The following IFT80 variants were observed in gnomAD, a reference collection of about 807,000 sequenced individuals.
IFT80 encodes intraflagellar transport protein 80 homolog.
IFT80 carries 79 observed loss-of-function variants against 107.9 expected under a neutral mutation model. The ratio of observed to expected loss-of-function variants is 0.73; its 90% CI spans 0.61 to 0.88. The LOEUF is 0.88. Among genes scored for constraint, IFT80 ranks in the 40% least tolerant of loss-of-function variants. IFT80 has a pLI of 0.00. For synonymous variants in IFT80, 299 were observed against 300.9 expected, an observed-to-expected ratio of 0.99 and a Z score of 0.07; for missense variants, 797 against 914.2, an observed-to-expected ratio of 0.87 and a Z score of 1.65.
rs1171606108 is a variant in IFT80 at position 160,282,435 on chromosome 3, A to G, written c.1516+43T>C. 2.3e-6 allele frequency: 3 copies of G among 1,284,548 alleles called. No individual in the cohort carries two copies. In the African/African-American group the frequency reaches 4.5e-5, roughly 19 times the overall value. 79.6% of individuals were successfully genotyped at this position (1,284,548 alleles called of 1,614,324 possible). A position where few individuals can be genotyped will look rare whatever the true frequency, so the allele number is the denominator to read the frequency against. On this transcript the variant is annotated intron_variant, in intron 14 of 19. Coordinates refer to ENST00000326448, the MANE Select transcript of IFT80 (RefSeq NM_020800.3). ...AATTATTTATTACAGCAAATATAAG[A>G]AAGTTGACAATTAAAACTTAAAATG...
intron 17 of IFT80, 46 bp from the exon 18 acceptor site, chr3:160,277,524 T>C (rs968751669): frequency 1.3e-6 from 2 of 1,575,918 alleles, no homozygotes; most frequent in South Asian, 2.2e-5. Context: ...AACAGAAATA[T>C]AATAAATTAC....
intron 19 of IFT80, among the ~76,000 whole-genome samples, chr3:160,262,160 A>C (rs1309371196): frequency 6.6e-6 from 1 of 152,204 alleles, no homozygotes; most frequent in Non-Finnish European, 1.5e-5. Context: ...TGTGCAGTGT[A>C]CATCACAGCA....
chr3:160,356,075 G>A lies in IFT80; in HGVS notation c.715C>T (p.Pro239Ser). The A allele has an allele frequency of 2.5e-6, 4 of 1,614,128 alleles. No homozygotes were observed. Among genetic ancestry groups the A allele is most frequent in the Non-Finnish European group, 3.4e-6 (4 of 1,179,990 alleles). Residue 239 changes from proline (P) to serine (S), a missense_variant, in exon 8 of 20, where the codon CCA (proline) becomes TCA (serine). Coordinates refer to ENST00000326448, the MANE Select transcript of IFT80 (RefSeq NM_020800.3). ...EHPITSVAWA[P>S]DGELFAVGSF... ...CCAACAGCAAATAATTCTCCATCTGGAGCCCAGGCAACTGAAGTAATGGGA... is the reference window on the plus strand; with the variant it reads ...CCAACAGCAAATAATTCTCCATCTGAAGCCCAGGCAACTGAAGTAATGGGA...
intron 9 of IFT80, among the ~76,000 whole-genome samples, chr3:160,310,931 G>C (rs1717195817): frequency 6.6e-6 from 1 of 151,980 alleles, no homozygotes; most frequent in African/African-American, 2.4e-5. Context: ...ACCAGCCCAG[G>C]CAACAAGGTG....
intron 10 of IFT80, among the ~76,000 whole-genome samples, chr3:160,305,149 T>C (rs944030110): frequency 1.3e-5 from 2 of 152,046 alleles, no homozygotes; most frequent in Non-Finnish European, 2.9e-5. Context: ...TTAAAATAAG[T>C]TTTATTACTC....
chr3:160,327,745 A>G (rs1363494964), intron 8 of IFT80, among the ~76,000 whole-genome samples: 2 of 152,160 alleles, frequency 1.3e-5, no homozygotes, highest in Non-Finnish European at 1.5e-5. Flanking sequence ...CTAGAAGAAA[A>G]CCTAGGCAAT....
intron 5 of IFT80, among the ~76,000 whole-genome samples, chr3:160,366,756 A>C (rs1721896230): frequency 6.6e-6 from 1 of 152,084 alleles, no homozygotes; most frequent in Non-Finnish European, 1.5e-5. Context: ...ACAATACATA[A>C]CAATTACATC....
chr3:160,291,058 TATCA>T (rs1715515018), intron 12 of IFT80, among the ~76,000 whole-genome samples: 2 of 152,226 alleles, frequency 1.3e-5, no homozygotes, highest in African/African-American at 4.8e-5. Flanking sequence ...AGGCCTTTAA[TATCA>T]ATCAGTATAT....
At chr3:160,268,607 T>C (rs2108210185) in intron 18 of IFT80, 71 bp from the exon 19 acceptor site, 1 of 1,458,152 alleles carries the variant, frequency 6.9e-7, no homozygotes, top group East Asian at 2.3e-5. Flanking sequence ...AGTTCTGGAG[T>C]TGGGGATAAG....
At chr3:160,332,373 G>A (rs372973021) in intron 8 of IFT80, among the ~76,000 whole-genome samples, 1 of 152,172 alleles carries the variant, frequency 6.6e-6, no homozygotes, top group African/African-American at 2.4e-5. Context: ...GAAACCTTTG[G>A]GTGGAGGCTT....
At chr3:160,312,017 G>C (rs573085277) in intron 9 of IFT80, among the ~76,000 whole-genome samples, 2 of 152,136 alleles carry the variant, frequency 1.3e-5, no homozygotes, top group Non-Finnish European at 2.9e-5. Flanking sequence ...TCCTGACCTC[G>C]TGATCCACCT....
At chr3:160,340,781 AAGGTCCCTACCC>A (rs1719838654) in intron 8 of IFT80, among the ~76,000 whole-genome samples, 1 of 152,160 alleles carries the variant, frequency 6.6e-6, no homozygotes. Flanking sequence ...TTAGCATCTG[AAGGTCCCTACCC>A]TTAATCGCAT....
intron 15 of IFT80, 30 bp from the exon 16 acceptor site, chr3:160,279,394 A>G (rs780858175): frequency 3.8e-6 from 6 of 1,596,052 alleles, no homozygotes; most frequent in Non-Finnish European, 5.2e-6. Flanking sequence ...AGTACAATTT[A>G]AAGTTGTATT....
At chr3:160,370,398 C>A (rs1232085035) in intron 5 of IFT80, among the ~76,000 whole-genome samples, 1 of 150,138 alleles carries the variant, frequency 6.7e-6, no homozygotes, top group African/African-American at 2.4e-5. Flanking sequence ...TCTGTTTTGG[C>A]CAAATCATTG....
intron 7 of IFT80, 147 bp from the exon 8 acceptor site, chr3:160,356,297 A>G (rs1280264128): frequency 3.0e-6 from 2 of 665,572 alleles, no homozygotes; most frequent in Non-Finnish European, 4.9e-6. Flanking sequence ...GTAAATAAAA[A>G]TTTAGAAATC....
chr3:160,393,838 T>C (rs1265544979), intron 1 of IFT80, among the ~76,000 whole-genome samples: 2 of 152,122 alleles, frequency 1.3e-5, no homozygotes, highest in African/African-American at 2.4e-5. Context: ...TGAACAAGAA[T>C]GTGAAGAATA....
chr3:160,329,834 C>G (rs953805913), intron 8 of IFT80, among the ~76,000 whole-genome samples: 3 of 149,774 alleles, frequency 2.0e-5, no homozygotes, highest in Non-Finnish European at 4.5e-5. Flanking sequence ...CTTTTTTTTT[C>G]TTGTTAATCT....
chr3:160,380,730 T>C (rs1387413829), intron 3 of IFT80, among the ~76,000 whole-genome samples: 2 of 152,096 alleles, frequency 1.3e-5, no homozygotes, highest in Non-Finnish European at 2.9e-5. Flanking sequence ...ATACTTGTTA[T>C]TCACCAATAA....
In IFT80 at chr3:160,377,436, C is replaced by T; in HGVS notation, c.364G>A (p.Val122Ile). Residue 122 changes from valine to isoleucine, a missense_variant, in exon 4 of 20, where the codon GTT (valine) becomes ATT (isoleucine). Transcript: ENST00000326448. ...GRWNYEGTAL[V>I]TVGEDGQIKI... ...ATTTTTACAGACAACTTACCTGTAA[C>T]TAATGCTGTTCCTTCATAATTCCAT... The T allele has an allele frequency of 1.9e-6, 3 of 1,568,500 alleles. No individual in the cohort carries two copies. The highest frequency in any genetic ancestry group is 2.6e-6 in the Non-Finnish European group (3 of 1,138,894).
Sources: allele counts gnomAD v4.1 joint callset (sites outside exome capture counted in the v4.1 genomes callset), GRCh38; gene constraint gnomAD v4.1.1; transcripts MANE v1.5; gene names NCBI Gene and HGNC (gene_info 2026-07-23, HGNC 2026-07-21).